TACR1: variants seen among roughly 807,000 people sequenced by gnomAD.
TACR1 encodes the protein substance-P receptor.
TACR1 carries 25 observed loss-of-function variants against 35.8 expected under a neutral mutation model. The ratio of observed to expected loss-of-function variants is 0.70; its 90% CI spans 0.51 to 0.98. The LOEUF is 0.98. TACR1 is among the 50% of genes least tolerant of loss of function. The pLI is 0.00. For synonymous variants in TACR1, 195 were observed against 206.7 expected (o/e 0.94, Z 0.48); for missense variants, 478 against 522.9 (o/e 0.91, Z 0.84).
chr2:75,066,210 G>A (rs967853375), intron 2 of TACR1, among the ~76,000 whole-genome samples: 1 of 152,142 alleles, frequency 6.6e-6, no homozygotes, highest in Non-Finnish European at 1.5e-5. Flanking sequence ...GGGACTTTGG[G>A]TAAAAGAGAG....
chr2:75,164,472 G>A (rs376285422), intron 1 of TACR1, among the ~76,000 whole-genome samples: 6 of 151,940 alleles, frequency 3.9e-5, no homozygotes, highest in East Asian at 3.9e-4. Flanking sequence ...AAAATTGAAC[G>A]CAGTACGTGA....
intron 2 of TACR1, among the ~76,000 whole-genome samples, chr2:75,091,101 T>G (rs1243017565): frequency 6.7e-6 from 1 of 148,792 alleles, no homozygotes; most frequent in East Asian, 2.0e-4. Flanking sequence ...CAATTCTACC[T>G]CCTTCTGATT....
intron 2 of TACR1, among the ~76,000 whole-genome samples, chr2:75,095,297 G>A (rs368536971): frequency 5.5e-4 from 83 of 152,212 alleles, no homozygotes; most frequent in African/African-American, 1.8e-3. Flanking sequence ...TTTAATTTTC[G>A]TGGCTGTAAC....
At chr2:75,074,697 C>G (rs1672946130) in intron 2 of TACR1, among the ~76,000 whole-genome samples, 1 of 151,166 alleles carries the variant, frequency 6.6e-6, no homozygotes, top group South Asian at 2.1e-4. Flanking sequence ...TTTTTTTCTT[C>G]CAGGCAAGAA....
intron 2 of TACR1, among the ~76,000 whole-genome samples, chr2:75,065,298 G>T (rs1672742184): frequency 6.6e-6 from 1 of 152,190 alleles, no homozygotes; most frequent in African/African-American, 2.4e-5. Flanking sequence ...TTTCCAGTAT[G>T]TGGGGTGTTT....
chr2:75,054,999 C>T (rs897498861), intron 2 of TACR1, among the ~76,000 whole-genome samples: 1 of 152,082 alleles, frequency 6.6e-6, no homozygotes, highest in African/African-American at 2.4e-5. Flanking sequence ...ATTAATTTTC[C>T]CAAATTCACA....
intron 3 of TACR1, among the ~76,000 whole-genome samples, chr2:75,052,186 G>T (rs1333264025): frequency 6.6e-6 from 1 of 152,088 alleles, no homozygotes; most frequent in Non-Finnish European, 1.5e-5. Flanking sequence ...AACTAATTAG[G>T]TCTTCAGGTC....
At chr2:75,143,376 T>TC (rs1325314752) in intron 1 of TACR1, among the ~76,000 whole-genome samples, 8 of 152,246 alleles carry the variant, frequency 5.3e-5, no homozygotes, top group Non-Finnish European at 1.2e-4. Flanking sequence ...CAGCTTTAGC[T>TC]CTTGTCTTCC....
chr2:75,054,264 G>A (rs1280459901), intron 2 of TACR1, among the ~76,000 whole-genome samples: 1 of 152,232 alleles, frequency 6.6e-6, no homozygotes, highest in East Asian at 1.9e-4. Context: ...GTTCAGTTGA[G>A]AACTACCATG....
Position 75,049,340 on chromosome 2 carries a change from G to T in TACR1, c.*92C>A. The T allele has an allele frequency of 7.1e-7, 1 of 1,410,562 alleles. No individual in the cohort carries two copies. Among genetic ancestry groups the T allele is most frequent in the Non-Finnish European group, 9.7e-7 (1 of 1,033,348 alleles). The allele number at this position is 1,410,562 out of a possible 1,614,324, so 87.4% of individuals were successfully genotyped here. A position where few individuals can be genotyped will look rare whatever the true frequency, so the allele number is the denominator to read the frequency against. On this transcript the variant is annotated 3_prime_UTR_variant, in exon 5 of 5. Coordinates refer to ENST00000305249, the MANE Select transcript of TACR1 (RefSeq NM_001058.4). Reference sequence around the variant, plus strand: ...TTTTTGCAAGTCCCAGTGTGAGGGTGTTTCTGATGGTTCCAGATGAAGGGA... The same window carrying T: ...TTTTTGCAAGTCCCAGTGTGAGGGTTTTTCTGATGGTTCCAGATGAAGGGA...
In TACR1 at chr2:75,120,662, C is replaced by T. The variant is rs1234984839; in HGVS notation, c.496G>A (p.Gly166Ser). 3.7e-6 allele frequency: 6 copies of T among 1,613,874 alleles called. No homozygotes were observed. In the East Asian group the frequency reaches 8.9e-5, roughly 24 times the overall value. Residue 166 changes from glycine (G) to serine (S), a missense_variant, in exon 2 of 5, where the codon GGC (glycine) becomes AGC (serine). By Grantham distance (56) the Gly-to-Ser change is moderately conservative. Coordinates refer to ENST00000305249, the MANE Select transcript of TACR1 (RefSeq NM_001058.4). ...VLALLLAFPQ[G>S]YYSTTETMPS... Reference sequence around the variant, plus strand: ...ATGGTCTCTGTGGTTGAGTAGTAGCCCTGGGGGAAGGCCAGCAGGAGAGCC... The same window carrying T: ...ATGGTCTCTGTGGTTGAGTAGTAGCTCTGGGGGAAGGCCAGCAGGAGAGCC...
intron 1 of TACR1, among the ~76,000 whole-genome samples, chr2:75,140,363 A>G (rs907834459): frequency 1.3e-5 from 2 of 152,152 alleles, no homozygotes; most frequent in Admixed American, 1.3e-4. Context: ...AGGCAGGTAA[A>G]TGTACATTTG....
chr2:75,133,036 T>C (rs1244839611), intron 1 of TACR1, among the ~76,000 whole-genome samples: 1 of 152,190 alleles, frequency 6.6e-6, no homozygotes, highest in African/African-American at 2.4e-5. Flanking sequence ...GAAGGTGGCC[T>C]ATTAGACAAC....
At chr2:75,164,452 A>G (rs1179444802) in intron 1 of TACR1, among the ~76,000 whole-genome samples, 2 of 152,224 alleles carry the variant, frequency 1.3e-5, no homozygotes, top group Non-Finnish European at 2.9e-5. Context: ...AAAAAGGTAT[A>G]ACAATAATGA....
rs1332302883 is a variant in TACR1 at position 75,051,331 on chromosome 2, C to T, written c.852G>A (p.Gln284=). The T allele has an allele frequency of 6.2e-7, 1 of 1,614,156 alleles. No homozygotes were observed. Among genetic ancestry groups the T allele is most frequent in the East Asian group, 2.2e-5 (1 of 44,878 alleles). ...GCCACATGATGGCCAGGTAGACCTG[C>T]TGGATAAACTTCTTCAGGTAGAGAT... ...NPDLYLKKFI[Q]QVYLAIMWLA... The change falls in exon 4 of 5, where the codon CAG becomes CAA. Residue 284 remains glutamine, a synonymous_variant. Coordinates refer to ENST00000305249, the MANE Select transcript of TACR1 (RefSeq NM_001058.4).
intron 1 of TACR1, among the ~76,000 whole-genome samples, chr2:75,132,524 A>G (rs1246570109): frequency 3.3e-5 from 5 of 152,064 alleles, no homozygotes; most frequent in Admixed American, 6.6e-5. Flanking sequence ...ACTTCTTTTT[A>G]TTTCATTATA....
At chr2:75,106,428 A>C (rs1349370522) in intron 2 of TACR1, among the ~76,000 whole-genome samples, 1 of 152,000 alleles carries the variant, frequency 6.6e-6, no homozygotes, top group East Asian at 1.9e-4. Context: ...AAAGGTAAAT[A>C]ATGTCTTCCT....
chr2:75,125,844 G>T (rs1340961496), intron 1 of TACR1, among the ~76,000 whole-genome samples: 1 of 152,178 alleles, frequency 6.6e-6, no homozygotes, highest in Non-Finnish European at 1.5e-5. Flanking sequence ...CCCCTAAATA[G>T]AGCCTCAATA....
chr2:75,125,218 C>G (rs185829259), intron 1 of TACR1, among the ~76,000 whole-genome samples: 28 of 152,008 alleles, frequency 1.8e-4, no homozygotes, highest in Non-Finnish European at 2.4e-4. Flanking sequence ...GAGTCTCGCT[C>G]TGTTGCCCAG....
Sources: gnomAD v4.1 joint callset for allele counts (sites outside exome capture counted in the v4.1 genomes callset) on GRCh38, gnomAD v4.1.1 for gene constraint, MANE v1.5 for transcripts, NCBI Gene and HGNC (gene_info 2026-07-23, HGNC 2026-07-21) for gene names.